Variants in SLC44A1 observed in about 807,000 individuals in gnomAD.
SLC44A1 encodes solute carrier family 44 member 1, also known as choline transporter-like protein 1.
Under a neutral mutation model 79.3 loss-of-function variants are expected in SLC44A1, and 26 were observed. That is an observed-to-expected ratio of 0.33 (90% confidence interval 0.24 to 0.46). SLC44A1 has a LOEUF of 0.46. Ranked by LOEUF, SLC44A1 falls within the 20% of genes least tolerant of loss-of-function variation. The pLI is 1.00. For synonymous variants in SLC44A1, 263 were observed against 286.2 expected (o/e 0.92, Z 0.82); for missense variants, 688 against 798.1 (o/e 0.86, Z 1.66).
chr9:105,379,105 T>C (rs1810931014), intron 13 of SLC44A1, among the ~76,000 whole-genome samples: 1 of 152,040 alleles, frequency 6.6e-6, no homozygotes, highest in African/African-American at 2.4e-5. Flanking sequence ...CGAAACCCCA[T>C]CTCTGCAAAA....
intron 3 of SLC44A1, among the ~76,000 whole-genome samples, chr9:105,315,556 G>A (rs1410694943): frequency 6.6e-6 from 1 of 152,094 alleles, no homozygotes; most frequent in African/African-American, 2.4e-5. Context: ...TTAGGGGATT[G>A]TACCAATATG....
chr9:105,284,674 T>C (rs1014154476), intron 1 of SLC44A1, among the ~76,000 whole-genome samples: 4 of 152,142 alleles, frequency 2.6e-5, no homozygotes, highest in Non-Finnish European at 5.9e-5. Context: ...TCTGATGCGG[T>C]AGCTATATGA....
chr9:105,375,894 C>T (rs1828264398), intron 13 of SLC44A1, among the ~76,000 whole-genome samples: 3 of 151,964 alleles, frequency 2.0e-5, no homozygotes. Flanking sequence ...CTATATAATT[C>T]TTCCCATTTT....
intron 7 of SLC44A1, among the ~76,000 whole-genome samples, chr9:105,359,684 T>C (rs1354752721): frequency 6.6e-6 from 1 of 152,190 alleles, no homozygotes; most frequent in African/African-American, 2.4e-5. Flanking sequence ...TATAATTCAT[T>C]TCTGTATGTA....
chr9:105,401,971 G>A (rs538141934), downstream of SLC44A1, among the ~76,000 whole-genome samples: 17 of 152,308 alleles, frequency 1.1e-4, no homozygotes, highest in East Asian at 2.7e-3. Flanking sequence ...GAGTCTTGAA[G>A]GATAAGCAGG....
chr9:105,323,849 A>G (rs1342847536), intron 3 of SLC44A1, among the ~76,000 whole-genome samples: 1 of 152,186 alleles, frequency 6.6e-6, no homozygotes, highest in Non-Finnish European at 1.5e-5. Context: ...TTCTACCTAT[A>G]AAATCAATTC....
At chr9:105,402,054 A>G (rs1660603666), downstream of SLC44A1, among the ~76,000 whole-genome samples, 1 of 152,236 alleles carries the variant, frequency 6.6e-6, no homozygotes, top group Admixed American at 6.5e-5. Context: ...TCATATAGCA[A>G]CATGAGGAAC....
At chr9:105,307,559 G>T (rs534014850) in intron 2 of SLC44A1, among the ~76,000 whole-genome samples, 1 of 151,666 alleles carries the variant, frequency 6.6e-6, no homozygotes, top group Non-Finnish European at 1.5e-5. Flanking sequence ...CAGGAGAATC[G>T]CTTGAACCTG....
chr9:105,245,133 C>T (rs921202496), intron 1 of SLC44A1, among the ~76,000 whole-genome samples: 1 of 152,020 alleles, frequency 6.6e-6, no homozygotes, highest in Non-Finnish European at 1.5e-5. Flanking sequence ...CCTAGTGCGC[C>T]CTCAGCTCTT....
intron 1 of SLC44A1, among the ~76,000 whole-genome samples, chr9:105,282,731 T>G (rs1830384628): frequency 6.6e-6 from 1 of 152,062 alleles, no homozygotes; most frequent in Non-Finnish European, 1.5e-5. Flanking sequence ...GTATTTTTAG[T>G]AGAGACGGGG....
In SLC44A1 at chr9:105,393,345, C is replaced by G; in HGVS notation, c.*4289C>G. On this transcript the variant is annotated 3_prime_UTR_variant, in exon 16 of 16. Transcript: ENST00000374720. Reference sequence around the variant, plus strand: ...GCACATAGTCCAAATTTTTAAAAAGCAAGACCCTTGAATATGCCAAGAGAA... The same window carrying G: ...GCACATAGTCCAAATTTTTAAAAAGGAAGACCCTTGAATATGCCAAGAGAA... 3 of 985,224 alleles carry G rather than the reference C, an allele frequency of 3.0e-6. No individual in the cohort carries two copies. Among genetic ancestry groups the G allele is most frequent in the Non-Finnish European group, 3.6e-6 (3 of 829,770 alleles). The allele number at this position is 985,224 out of a possible 1,614,324, so 61.0% of individuals were successfully genotyped here.
intron 3 of SLC44A1, among the ~76,000 whole-genome samples, chr9:105,328,406 G>A (rs1049719802): frequency 6.6e-6 from 1 of 152,160 alleles, no homozygotes; most frequent in Non-Finnish European, 1.5e-5. Context: ...AGACTTCAAA[G>A]GAGGGAAGGA....
chr9:105,437,482 A>C (rs556289902), intron 15 of SLC44A1, among the ~76,000 whole-genome samples: 150 of 152,072 alleles, frequency 9.9e-4, no homozygotes, highest in Non-Finnish European at 1.3e-3. Context: ...CTCTCTCTCT[A>C]TATATATACA....
At position 105,270,181 on chromosome 9, in the gene SLC44A1, G is replaced by A. The variant is rs993566306; in HGVS notation, c.36+25277G>A. Reference sequence around the variant, plus strand: ...CTGTCATGGAACTCAGTGATGTTTCGTGCATGATCATCCTCTCCACTTGTT... The same window carrying A: ...CTGTCATGGAACTCAGTGATGTTTCATGCATGATCATCCTCTCCACTTGTT... On this transcript the variant is annotated intron_variant, in intron 1 of 15. Transcript: ENST00000374720. 4.6e-5 allele frequency among the ~76,000 whole-genome samples: 7 copies of A among 152,184 alleles called. 1 individual carries two copies. The East Asian group carries it at 5.8e-4, about 13-fold the overall frequency.
chr9:105,405,950 A>T (rs1352030316), intron 15 of SLC44A1, among the ~76,000 whole-genome samples: 7 of 152,180 alleles, frequency 4.6e-5, no homozygotes, highest in Non-Finnish European at 2.9e-5. Context: ...GTCCAAGGCC[A>T]CACACATGCC....
At chr9:105,333,206 C>G (rs981461400) in intron 3 of SLC44A1, among the ~76,000 whole-genome samples, 1 of 152,166 alleles carries the variant, frequency 6.6e-6, no homozygotes, top group Non-Finnish European at 1.5e-5. Context: ...GTCATTGATC[C>G]AGCCTAGGCC....
chr9:105,292,581 G>A (rs113530315), intron 1 of SLC44A1, among the ~76,000 whole-genome samples: 2 of 152,066 alleles, frequency 1.3e-5, no homozygotes, highest in African/African-American at 2.4e-5. Flanking sequence ...ATGTTTTGGG[G>A]CACAAAACAC....
At chr9:105,328,359 C>T (rs944581441) in intron 3 of SLC44A1, among the ~76,000 whole-genome samples, 3 of 152,138 alleles carry the variant, frequency 2.0e-5, no homozygotes, top group African/African-American at 7.2e-5. Context: ...ACAGGCTGGC[C>T]AGCAAAGGCT....
chr9:105,433,832 T>A (rs1383685135), intron 15 of SLC44A1, among the ~76,000 whole-genome samples: 2 of 152,146 alleles, frequency 1.3e-5, no homozygotes, highest in Non-Finnish European at 2.9e-5. Context: ...AATGACAAGA[T>A]CTACCCACGA....
Sources: allele counts gnomAD v4.1 joint callset (sites outside exome capture counted in the v4.1 genomes callset), GRCh38; gene constraint gnomAD v4.1.1; transcripts MANE v1.5; gene names NCBI Gene and HGNC (gene_info 2026-07-23, HGNC 2026-07-21).